The following DEFB128 variants were observed in gnomAD, a reference collection of about 807,000 sequenced individuals.
The protein encoded by DEFB128 is beta-defensin 128.
Under a neutral mutation model 2.4 loss-of-function variants are expected in DEFB128, and 1 was observed. The ratio of observed to expected loss-of-function variants is 0.41; its 90% CI spans 0.15 to 1.96. The LOEUF is 1.96. Ranked by LOEUF, DEFB128 falls within the 30% of genes most tolerant of loss-of-function variation. The pLI, the probability that DEFB128 is intolerant of heterozygous loss-of-function variation, is 0.30. For missense variants in DEFB128, 129 were observed against 104.9 expected (o/e 1.23, Z -1.00); for synonymous variants, 59 against 39.1 (o/e 1.51, Z -1.89).
chr20:188,195 A>C, intron 1 of DEFB128, 77 bp from the exon 2 acceptor site: 1 of 1,321,730 alleles, frequency 7.6e-7, no homozygotes, highest in Non-Finnish European at 1.1e-6. Flanking sequence ...GGTTCCCCAC[A>C]AGTCATGGCC....
In DEFB128 at chr20:187,975, A is replaced by G. The variant is rs1568472948; in HGVS notation, c.193T>C (p.Phe65Leu). 6.2e-7 allele frequency: 1 copy of G among 1,613,874 alleles called. No homozygotes were observed. The highest frequency in any genetic ancestry group is 1.1e-5 in the South Asian group (1 of 91,054). The change falls in exon 2 of 2, where the codon TTT becomes CTT. Residue 65 changes from phenylalanine (F) to leucine (L), a missense_variant. Phe to Leu is a conservative substitution (Grantham distance 22, BLOSUM62 0). Transcript: ENST00000334391. Reference protein sequence around the residue: ...NDEEEKKHVSFKKPHQHSGEK... With the variant: ...NDEEEKKHVSLKKPHQHSGEK... ...CCAGAATGTTGATGTGGCTTCTTAAATGACACATGTTTTTTCTCTTCTTCA... is the reference window on the plus strand; with the variant it reads ...CCAGAATGTTGATGTGGCTTCTTAAGTGACACATGTTTTTTCTCTTCTTCA...
chr20:188,097 C>A lies in DEFB128; in HGVS notation c.71G>T (p.Cys24Phe), dbSNP rs2011113315. Reference protein sequence around the residue: ...VLTDGARLKKCFNKVTGYCRK... With the variant: ...VLTDGARLKKFFNKVTGYCRK... ...GCAATAGCCTGTTACTTTATTGAAG[C>A]ATTTTTTGAGTCTTGCCCCGTCTGT... The change falls in exon 2 of 2, where the codon TGC becomes TTC. Residue 24 changes from cysteine to phenylalanine, a missense_variant. By Grantham distance (205) the Cys-to-Phe change is radical (BLOSUM62 -2). Coordinates refer to ENST00000334391, the MANE Select transcript of DEFB128 (RefSeq NM_001037732.3). 1 of 1,613,934 alleles carries A rather than the reference C, an allele frequency of 6.2e-7. No individual in the cohort carries two copies.
intron 1 of DEFB128, 90 bp from the exon 2 acceptor site, chr20:188,208 C>T: frequency 8.5e-7 from 1 of 1,178,182 alleles, no homozygotes. Flanking sequence ...TCATGGCCTC[C>T]TATGGTCCCA....
At chr20:189,058 T>A (rs2011117474) in intron 1 of DEFB128, among the ~76,000 whole-genome samples, 1 of 152,208 alleles carries the variant, frequency 6.6e-6, no homozygotes, top group Non-Finnish European at 1.5e-5. Context: ...ACTTTGTGCT[T>A]CGTGCTTGTA....
At chr20:188,186 G>A in intron 1 of DEFB128, 68 bp from the exon 2 acceptor site, 1 of 1,453,088 alleles carries the variant, frequency 6.9e-7, no homozygotes, top group South Asian at 1.1e-5. Context: ...TAGGTATGTG[G>A]TTCCCCACAA....
rs74340988 is a variant in DEFB128 at position 189,557 on chromosome 20, T to C, written c.49+18A>G. On this transcript the variant is annotated intron_variant, in intron 1 of 1. Transcript: ENST00000334391. ...AGTAATATCTCTTAGGATGTTATAG[T>C]ACATTTGGACAAGTTACCTGTGAGT... 1,419 of 1,611,060 alleles carry C rather than the reference T, an allele frequency of 8.8e-4. 18 individuals carry two copies. The East Asian group carries it at 0.025, about 28-fold the overall frequency.
At chr20:188,164 G>A (rs771024623) in intron 1 of DEFB128, 46 bp from the exon 2 acceptor site, 1 of 1,554,254 alleles carries the variant, frequency 6.4e-7, no homozygotes, top group African/African-American at 1.4e-5. Flanking sequence ...GCGTAAGGAA[G>A]AGCAGAAGAG....
rs1463430922 is a variant in DEFB128, at chr20:187,965, G to C, written c.203C>G (p.Pro68Arg). The C allele has an allele frequency of 1.2e-6, 2 of 1,613,874 alleles. No homozygotes were observed. Among genetic ancestry groups the C allele is most frequent in the Non-Finnish European group, 1.7e-6 (2 of 1,179,930 alleles). ...EEKKHVSFKK[P>R]HQHSGEKLSV... ...CAGCTTCTCACCAGAATGTTGATGT[G>C]GCTTCTTAAATGACACATGTTTTTT... Residue 68 changes from proline (P) to arginine (R), a missense_variant, in exon 2 of 2, where the codon CCA (proline) becomes CGA (arginine). By Grantham distance (103) the Pro-to-Arg change is moderately radical. Coordinates refer to ENST00000334391, the MANE Select transcript of DEFB128 (RefSeq NM_001037732.3).
rs1306341668 is a variant in DEFB128, at chr20:188,099, T to A, written c.69A>T (p.Lys23Asn). The change falls in exon 2 of 2, where the codon AAA (lysine) becomes AAT (asparagine). Residue 23 changes from lysine (K) to asparagine (N), a missense_variant. Physicochemically the swap from Lys to Asn is moderately conservative, Grantham distance 94. Transcript: ENST00000334391. ...EVLTDGARLK[K>N]CFNKVTGYCR... ...AATAGCCTGTTACTTTATTGAAGCA[T>A]TTTTTGAGTCTTGCCCCGTCTGTGC... 1 of 1,613,238 alleles carries A rather than the reference T, an allele frequency of 6.2e-7. No homozygotes were observed. Among genetic ancestry groups the A allele is most frequent in the East Asian group, 2.2e-5 (1 of 44,864 alleles).
At position 189,634 on chromosome 20, in the gene DEFB128, T is replaced by G. The variant is rs1344320508; in HGVS notation, c.-11A>C. The G allele has an allele frequency of 4.3e-6, 7 of 1,613,608 alleles. No individual in the cohort carries two copies. The African/African-American group carries it at 9.3e-5, about 22-fold the overall frequency. Reference sequence around the variant, plus strand: ...CAGAAACAGCTTCATATTTACAGACTTCCCAAGAGAAAGAGGCAGCAGAAC... The same window carrying G: ...CAGAAACAGCTTCATATTTACAGACGTCCCAAGAGAAAGAGGCAGCAGAAC... On this transcript the variant is annotated 5_prime_UTR_variant, in exon 1 of 2. Transcript: ENST00000334391.
chr20:188,027 T>C lies in DEFB128; in HGVS notation c.141A>G (p.Leu47=). ...CATTAGCACAACATAATTTCCCACTTAGACATCCTATTTCATATCTTTCTC... is the reference window on the plus strand; with the variant it reads ...CATTAGCACAACATAATTTCCCACTCAGACATCCTATTTCATATCTTTCTC... The part of the protein sequence containing the change: ...KVGERYEIGC[L]SGKLCCANDE... Residue 47 remains leucine (L), a synonymous_variant, in exon 2 of 2, where the codon CTA becomes CTG. Coordinates refer to ENST00000334391, the MANE Select transcript of DEFB128 (RefSeq NM_001037732.3). The C allele has an allele frequency of 6.2e-7, 1 of 1,614,108 alleles. No individual in the cohort carries two copies. Among genetic ancestry groups the C allele is most frequent in the Non-Finnish European group, 8.5e-7 (1 of 1,179,954 alleles).
intron 1 of DEFB128, among the ~76,000 whole-genome samples, chr20:188,853 G>C (rs1326346482): frequency 2.6e-5 from 4 of 152,148 alleles, no homozygotes; most frequent in East Asian, 1.9e-4. Flanking sequence ...ATCCTTATTT[G>C]CCCCTCTACC....
In DEFB128 at chr20:187,992, T is replaced by C; in HGVS notation, c.176A>G (p.Glu59Gly). The C allele has an allele frequency of 1.2e-6, 2 of 1,613,510 alleles. No homozygotes were observed. Among genetic ancestry groups the C allele is most frequent in the Non-Finnish European group, 8.5e-7 (1 of 1,179,464 alleles). Residue 59 changes from glutamate to glycine, a missense_variant, in exon 2 of 2, where the codon GAG (glutamate) becomes GGG (glycine). Glu to Gly is a moderately conservative substitution (Grantham distance 98). Coordinates refer to ENST00000334391, the MANE Select transcript of DEFB128 (RefSeq NM_001037732.3). ...GKLCCANDEE[E>G]KKHVSFKKPH... ...CTTCTTAAATGACACATGTTTTTTC[T>C]CTTCTTCATCATTAGCACAACATAA...
chr20:189,515 T>C (rs372158170), intron 1 of DEFB128, 60 bp downstream of exon 1: 2 of 1,553,230 alleles, frequency 1.3e-6, no homozygotes, highest in African/African-American at 2.7e-5. Flanking sequence ...GAAAGTCCTG[T>C]TCCCACTCTT....
intron 1 of DEFB128, among the ~76,000 whole-genome samples, chr20:188,549 A>G (rs1049678779): frequency 6.6e-6 from 1 of 152,216 alleles, no homozygotes; most frequent in Non-Finnish European, 1.5e-5. Context: ...CAGCCAAAGC[A>G]ACTTTTGAAA....
Position 188,063 on chromosome 20 carries a change from T to C in DEFB128, c.105A>G (p.Lys35=). ...TTTCATATCTTTCTCCTACCTTGCA[T>C]TTCTTCCTGCAATAGCCTGTTACTT... The part of the protein sequence containing the change: ...FNKVTGYCRK[K]CKVGERYEIG... The change falls in exon 2 of 2, where the codon AAA becomes AAG. Residue 35 remains lysine, a synonymous_variant. Coordinates refer to ENST00000334391, the MANE Select transcript of DEFB128 (RefSeq NM_001037732.3). The C allele has an allele frequency of 1.2e-6, 2 of 1,614,136 alleles. No homozygotes were observed. The highest frequency in any genetic ancestry group is 1.7e-6 in the Non-Finnish European group (2 of 1,179,970).
intron 1 of DEFB128, among the ~76,000 whole-genome samples, chr20:189,083 G>A (rs187413902): frequency 1.3e-3 from 205 of 152,262 alleles, no homozygotes; most frequent in African/African-American, 4.6e-3. Context: ...CATGTAACCT[G>A]TACATCAAAT....
rs113542581 is a variant in DEFB128, at chr20:189,384, C to A, written c.49+191G>T. On this transcript the variant is annotated intron_variant, in intron 1 of 1. Coordinates refer to ENST00000334391, the MANE Select transcript of DEFB128 (RefSeq NM_001037732.3). ...ACTTTTGAAAAGGACTCCTGAGAGT[C>A]CACTATAGCCCTGACCTCCTCTTAC... Among the ~76,000 whole-genome samples the A allele has an allele frequency of 3.0e-3, 462 of 152,262 alleles. 3 individuals are homozygous for A. The highest frequency in any genetic ancestry group is 5.5e-3 in the Non-Finnish European group (377 of 68,024).
chr20:189,174 CA>C (rs1490264022), intron 1 of DEFB128, among the ~76,000 whole-genome samples: 1 of 152,154 alleles, frequency 6.6e-6, no homozygotes, highest in South Asian at 2.1e-4. Flanking sequence ...TTAATTCATA[CA>C]ACCCGTCAAT....
Sources: gnomAD v4.1 joint callset for allele counts (sites outside exome capture counted in the v4.1 genomes callset) on GRCh38, gnomAD v4.1.1 for gene constraint, MANE v1.5 for transcripts, NCBI Gene and HGNC (gene_info 2026-07-23, HGNC 2026-07-21) for gene names.